The following CSMD1 variants were observed in gnomAD, a reference collection of about 807,000 sequenced individuals.
CSMD1 encodes the protein CUB and Sushi multiple domains 1.
In CSMD1, 213 loss-of-function variants were observed where a neutral mutation model predicts 417.5. The ratio of observed to expected loss-of-function variants is 0.51; its 90% CI spans 0.46 to 0.57. The LOEUF (loss-of-function observed/expected upper bound fraction) is 0.57, where lower values mean the gene tolerates loss of function less well. Ranked by LOEUF, CSMD1 falls within the 20% of genes least tolerant of loss-of-function variation. The pLI, the probability that CSMD1 is intolerant of heterozygous loss-of-function variation, is 0.00. For missense variants in CSMD1, 6,923 were observed against 4,529.7 expected (o/e 1.53, Z -15.17); for synonymous variants, 2,862 against 1,736.8 (o/e 1.65, Z -16.11).
rs569405231 is a variant in CSMD1 at position 4,385,305 on chromosome 8, A to C, written c.415+34648T>G. Reference sequence around the variant, plus strand: ...AAATACTATCTGTTCATGTTAAACAATGATGTAGTCTGACAGGCAGTCACC... The same window carrying C: ...AAATACTATCTGTTCATGTTAAACACTGATGTAGTCTGACAGGCAGTCACC... On this transcript the variant is annotated intron_variant, in intron 3 of 69. Transcript: ENST00000635120. Among the ~76,000 whole-genome samples the C allele has an allele frequency of 2.4e-4, 37 of 152,338 alleles. 1 individual carries two copies. The highest frequency in any genetic ancestry group is 3.4e-3 in the Middle Eastern group (1 of 294).
In CSMD1 at chr8:3,406,202, G is replaced by A. The variant is rs922894712; in HGVS notation, c.2091C>T (p.Cys697=). 8 of 1,608,306 alleles carry A rather than the reference G, an allele frequency of 5.0e-6. No individual in the cohort carries two copies. The highest frequency in any genetic ancestry group is 1.1e-5 in the South Asian group (1 of 90,196). Residue 697 remains cysteine (C), a synonymous_variant, in exon 15 of 70, where the codon TGC becomes TGT. Transcript: ENST00000635120. ...CGTTTATAGGAATGCCAGGATCATG[G>A]CACTCATTCTGACCAAATGCTGAAA... ...ITYTTFGQNE[C]HDPGIPINGR... is the part of the protein sequence containing the mutation.
At chr8:3,430,758 G>T (rs112823337) in intron 12 of CSMD1, among the ~76,000 whole-genome samples, 2 of 152,118 alleles carry the variant, frequency 1.3e-5, no homozygotes, top group Non-Finnish European at 2.9e-5. Context: ...AGTGAGCAGC[G>T]ATCATGGCCC....
intron 1 of CSMD1, among the ~76,000 whole-genome samples, chr8:4,691,693 G>A (rs946502758): frequency 7.9e-5 from 12 of 152,102 alleles, no homozygotes; most frequent in Non-Finnish European, 1.5e-4. Context: ...CCTTAACTAC[G>A]CTTATTTTCA....
chr8:2,976,344 G>C (rs767849412), intron 55 of CSMD1, among the ~76,000 whole-genome samples: 2 of 152,006 alleles, frequency 1.3e-5, no homozygotes, highest in Non-Finnish European at 2.9e-5. Context: ...CATAATGTAA[G>C]TGCCATTTCC....
chr8:3,312,470 A>G (rs1017274631), intron 23 of CSMD1, among the ~76,000 whole-genome samples: 2 of 152,114 alleles, frequency 1.3e-5, no homozygotes, highest in African/African-American at 4.8e-5. Context: ...TTCCTGTCAG[A>G]AAGTTGAAAG....
intron 6 of CSMD1, among the ~76,000 whole-genome samples, chr8:3,720,967 C>T (rs987208781): frequency 6.6e-6 from 1 of 151,832 alleles, no homozygotes; most frequent in African/African-American, 2.4e-5. Flanking sequence ...AGGCACCCAC[C>T]ACTACACCCG....
intron 23 of CSMD1, among the ~76,000 whole-genome samples, chr8:3,310,451 AGGT>A (rs1805241050): frequency 6.6e-6 from 1 of 152,210 alleles, no homozygotes; most frequent in Admixed American, 6.5e-5. Context: ...GACTTGTTGG[AGGT>A]GATGATTCTC....
chr8:4,082,123 C>T (rs1443085429), intron 3 of CSMD1, among the ~76,000 whole-genome samples: 1 of 152,056 alleles, frequency 6.6e-6, no homozygotes, highest in Non-Finnish European at 1.5e-5. Flanking sequence ...GTATTAACTA[C>T]ATTAGGAATA....
At chr8:4,077,105 T>C (rs1179339625) in intron 3 of CSMD1, among the ~76,000 whole-genome samples, 5 of 151,764 alleles carry the variant, frequency 3.3e-5, no homozygotes, top group Non-Finnish European at 7.4e-5. Flanking sequence ...AAGCCCCTAC[T>C]TCATTTTAGT....
chr8:4,154,748 A>C (rs924359323), intron 3 of CSMD1, among the ~76,000 whole-genome samples: 43 of 152,350 alleles, frequency 2.8e-4, no homozygotes, highest in African/African-American at 8.9e-4. Context: ...AGTAAGGCTA[A>C]TATCCCCGTA....
intron 3 of CSMD1, among the ~76,000 whole-genome samples, chr8:4,355,035 G>A (rs1055581286): frequency 2.0e-5 from 3 of 151,934 alleles, no homozygotes; most frequent in African/African-American, 4.8e-5. Flanking sequence ...GGCCGAGGCG[G>A]GCGGATGACG....
chr8:3,908,491 C>A (rs997078042), intron 5 of CSMD1, among the ~76,000 whole-genome samples: 1 of 152,022 alleles, frequency 6.6e-6, no homozygotes, highest in Non-Finnish European at 1.5e-5. Context: ...TCCAGTATCC[C>A]CTGGTAAAAA....
chr8:3,666,071 T>C (rs561324653), intron 7 of CSMD1, among the ~76,000 whole-genome samples: 1 of 152,146 alleles, frequency 6.6e-6, no homozygotes, highest in Admixed American at 6.5e-5. Flanking sequence ...AATTTTTGTA[T>C]CTGTAGTAGA....
intron 64 of CSMD1, among the ~76,000 whole-genome samples, chr8:2,954,923 T>C (rs966907615): frequency 6.6e-6 from 1 of 152,208 alleles, no homozygotes; most frequent in Non-Finnish European, 1.5e-5. Context: ...TCACTGACTG[T>C]CTCACACGCC....
chr8:3,145,088 C>T (rs534130098), intron 40 of CSMD1, among the ~76,000 whole-genome samples: 2 of 151,362 alleles, frequency 1.3e-5, no homozygotes, highest in African/African-American at 2.4e-5. Flanking sequence ...TCTGTGTGCA[C>T]GTGTGTTTGT....
At chr8:3,845,204 C>G (rs148342620) in intron 5 of CSMD1, among the ~76,000 whole-genome samples, 102 of 152,338 alleles carry the variant, frequency 6.7e-4, no homozygotes, top group African/African-American at 2.3e-3. Flanking sequence ...AATAGTGCAA[C>G]TATGCATCTC....
intron 5 of CSMD1, among the ~76,000 whole-genome samples, chr8:3,793,358 G>T (rs1048086354): frequency 6.6e-6 from 1 of 152,054 alleles, no homozygotes; most frequent in African/African-American, 2.4e-5. Flanking sequence ...TTTAAATTCT[G>T]TCATTTTCTT....
chr8:3,368,435 C>G (rs1336374516), intron 19 of CSMD1, among the ~76,000 whole-genome samples: 1 of 152,166 alleles, frequency 6.6e-6, no homozygotes, highest in Admixed American at 6.5e-5. Context: ...CTCCTGGGTT[C>G]AAGCCATTCC....
chr8:4,639,618 G>T (rs1302326339), intron 1 of CSMD1, among the ~76,000 whole-genome samples: 1 of 152,084 alleles, frequency 6.6e-6, no homozygotes, highest in East Asian at 1.9e-4. Flanking sequence ...AAGGGACCTG[G>T]GTGTACTCAG....
Sources: gnomAD v4.1 joint callset for allele counts (sites outside exome capture counted in the v4.1 genomes callset) on GRCh38, gnomAD v4.1.1 for gene constraint, MANE v1.5 for transcripts, NCBI Gene and HGNC (gene_info 2026-07-23, HGNC 2026-07-21) for gene names.